Variants in SEMA3E observed in about 807,000 individuals in gnomAD.
SEMA3E encodes semaphorin 3E.
In SEMA3E, 49 loss-of-function variants were observed where a neutral mutation model predicts 93.6. The observed-to-expected ratio is 0.52, with a 90% confidence interval of 0.42 to 0.66. The LOEUF (loss-of-function observed/expected upper bound fraction) is 0.66, where lower values mean the gene tolerates loss of function less well. Ranked by LOEUF, SEMA3E falls within the 30% of genes least tolerant of loss-of-function variation. The pLI is 0.00. For synonymous variants in SEMA3E, 363 were observed against 330.7 expected (o/e 1.10, Z -1.06); for missense variants, 906 against 964.8 (o/e 0.94, Z 0.81).
Position 83,648,507 on chromosome 7 carries a change from C to T in SEMA3E, c.36G>A (p.Leu12=). The change falls in exon 1 of 17, where the codon CTG becomes CTA. Residue 12 remains leucine (L), a synonymous_variant. Coordinates refer to ENST00000643230, the MANE Select transcript of SEMA3E (RefSeq NM_012431.3). ...TCCAAAGCTCCAGTAAGTAACCCCA[C>T]AGGAGCAAGGTGATAATGTGCCCCG... ...ASAGHIITLL[L]WGYLLELWTG... 6.2e-6 allele frequency: 10 copies of T among 1,613,250 alleles called. No individual in the cohort carries two copies. Among genetic ancestry groups the T allele is most frequent in the South Asian group, 1.1e-5 (1 of 91,054 alleles).
At chr7:83,637,789 C>CTTTTT (rs202153375) in intron 1 of SEMA3E, among the ~76,000 whole-genome samples, 1 of 128,976 alleles carries the variant, frequency 7.8e-6, no homozygotes, top group Non-Finnish European at 1.6e-5. Context: ...TCTGGCAGTT[C>CTTTTT]TTTTTTTTTT....
At chr7:83,552,298 T>C (rs1791782455) in intron 1 of SEMA3E, among the ~76,000 whole-genome samples, 1 of 152,202 alleles carries the variant, frequency 6.6e-6, no homozygotes. Context: ...TTCTTATGCC[T>C]GTCTTTACTT....
intron 16 of SEMA3E, chr7:83,372,573 A>C (rs1794763651): frequency 3.7e-6 from 1 of 271,504 alleles, no homozygotes; most frequent in Admixed American, 5.3e-5. Flanking sequence ...CAGAAACCCA[A>C]GTTTGAGAAA....
intron 1 of SEMA3E, among the ~76,000 whole-genome samples, chr7:83,646,098 G>A (rs192276268): frequency 3.0e-4 from 45 of 152,128 alleles, no homozygotes; most frequent in African/African-American, 1.1e-3. Context: ...TTCCTTGCTA[G>A]TGGTCAGGCA....
intron 1 of SEMA3E, among the ~76,000 whole-genome samples, chr7:83,639,412 T>C (rs1793953394): frequency 6.6e-6 from 1 of 151,976 alleles, no homozygotes; most frequent in Admixed American, 6.6e-5. Flanking sequence ...CCTTTATAGT[T>C]GTGTTATTTT....
chr7:83,565,194 C>A lies in SEMA3E; in HGVS notation c.116-74920G>T, dbSNP rs1792118121. Among the ~76,000 whole-genome samples the A allele has an allele frequency of 2.6e-5, 4 of 152,152 alleles. No individual in the cohort carries two copies. The South Asian group carries it at 8.3e-4, about 31-fold the overall frequency. ...ATAAAGAAAATGCGGTACATATACA[C>A]CATGGAATACTATGCAGCCATAAAA... On this transcript the variant is annotated intron_variant, in intron 1 of 16. Transcript: ENST00000643230.
intron 1 of SEMA3E, chr7:83,616,727 C>CTT (rs542862891): frequency 1.5e-3 from 623 of 416,258 alleles, no homozygotes; most frequent in South Asian, 2.5e-3. Flanking sequence ...TTCTTTCTTT[C>CTT]TTTTTTTTTT....
At chr7:83,408,312 G>T in intron 6 of SEMA3E, 56 bp downstream of exon 6, 4 of 1,606,778 alleles carry the variant, frequency 2.5e-6, no homozygotes, top group Non-Finnish European at 2.6e-6. Flanking sequence ...AACATTTTCC[G>T]TAAGTTTTAG....
intron 16 of SEMA3E, among the ~76,000 whole-genome samples, chr7:83,376,923 A>G (rs372535922): frequency 1.0e-3 from 157 of 151,722 alleles, no homozygotes; most frequent in Middle Eastern, 6.8e-3. Flanking sequence ...TGCTTACCAA[A>G]GAGATCTACA....
At position 83,425,842 on chromosome 7, in the gene SEMA3E, A is replaced by C. The variant is rs1173611416; in HGVS notation, c.457-7359T>G. Among the ~76,000 whole-genome samples the C allele has an allele frequency of 3.3e-5, 5 of 152,296 alleles. No individual in the cohort carries two copies. The East Asian group carries it at 7.7e-4, about 24-fold the overall frequency. On this transcript the variant is annotated intron_variant, in intron 4 of 16. Coordinates refer to ENST00000643230, the MANE Select transcript of SEMA3E (RefSeq NM_012431.3). ...GAAAATATTCACAATCTATGCATCCAACAAAGGTTTAATATCCAGAATCTA... is the reference window on the plus strand; with the variant it reads ...GAAAATATTCACAATCTATGCATCCCACAAAGGTTTAATATCCAGAATCTA...
intron 1 of SEMA3E, among the ~76,000 whole-genome samples, chr7:83,555,988 A>G (rs898783736): frequency 6.6e-6 from 1 of 152,170 alleles, no homozygotes. Flanking sequence ...TTTGCTCCAT[A>G]TAATTGCCCT....
intron 1 of SEMA3E, 45 bp downstream of exon 1, chr7:83,648,376 TCTTTTTC>T: frequency 7.3e-7 from 1 of 1,373,844 alleles, no homozygotes. Flanking sequence ...TTTTCTTTTT[TCTTTTTC>T]TTTTTTTTTT....
intron 1 of SEMA3E, among the ~76,000 whole-genome samples, chr7:83,566,100 C>T: frequency 6.7e-6 from 1 of 148,662 alleles, no homozygotes; most frequent in East Asian, 2.0e-4. Context: ...TGGGTTCATG[C>T]CATTCTCCTG....
intron 1 of SEMA3E, among the ~76,000 whole-genome samples, chr7:83,585,154 T>G (rs990226717): frequency 2.0e-5 from 3 of 152,216 alleles, no homozygotes; most frequent in Admixed American, 1.3e-4. Context: ...AGTCCTTGTC[T>G]GTGCTTCTAC....
intron 1 of SEMA3E, among the ~76,000 whole-genome samples, chr7:83,550,877 A>G (rs1791750258): frequency 6.6e-6 from 1 of 152,152 alleles, no homozygotes; most frequent in Non-Finnish European, 1.5e-5. Flanking sequence ...TAGGCAAGAA[A>G]TATGATTAGA....
intron 1 of SEMA3E, among the ~76,000 whole-genome samples, chr7:83,493,735 G>T (rs1466192828): frequency 1.3e-5 from 2 of 151,818 alleles, no homozygotes; most frequent in African/African-American, 4.8e-5. Flanking sequence ...TAAAATCATA[G>T]CACTAACTAG....
intron 1 of SEMA3E, among the ~76,000 whole-genome samples, chr7:83,624,150 G>C (rs1793622562): frequency 6.6e-6 from 1 of 152,124 alleles, no homozygotes; most frequent in Non-Finnish European, 1.5e-5. Context: ...TTAGTTCCAA[G>C]TCTTTGCTAT....
At chr7:83,596,462 G>A (rs1426778012) in intron 1 of SEMA3E, among the ~76,000 whole-genome samples, 4 of 151,988 alleles carry the variant, frequency 2.6e-5, no homozygotes, top group African/African-American at 7.2e-5. Flanking sequence ...TGTATGTATA[G>A]TAACACATTC....
At position 83,366,769 on chromosome 7, in the gene SEMA3E, C is replaced by T. The variant is rs370318479; in HGVS notation, c.*817G>A. ...TTCAAATCTTTCCTAAACAGATATC[C>T]GTCTGTAGAGAAAAAAGAAATGTGT... On this transcript the variant is annotated 3_prime_UTR_variant, in exon 17 of 17. Transcript: ENST00000643230. 8 of 152,006 alleles carry T rather than the reference C, an allele frequency of 5.3e-5. No individual in the cohort carries two copies. Among genetic ancestry groups the T allele is most frequent in the Non-Finnish European group, 1.0e-4 (7 of 67,960 alleles). 9.4% of individuals were successfully genotyped at this position (152,006 alleles called of 1,614,324 possible).
Sources: gnomAD v4.1 joint callset for allele counts (sites outside exome capture counted in the v4.1 genomes callset) on GRCh38, gnomAD v4.1.1 for gene constraint, MANE v1.5 for transcripts, NCBI Gene and HGNC (gene_info 2026-07-23, HGNC 2026-07-21) for gene names.